The following LRRFIP2 variants were observed in gnomAD, a reference collection of about 807,000 sequenced individuals.
LRRFIP2 encodes the protein leucine-rich repeat flightless-interacting protein 2.
In LRRFIP2, 109 loss-of-function variants were observed where a neutral mutation model predicts 125.9. The observed-to-expected ratio is 0.87, with a 90% CI of 0.74 to 1.01. The LOEUF (loss-of-function observed/expected upper bound fraction) is 1.01, where lower values mean the gene tolerates loss of function less well. Among genes scored for constraint, LRRFIP2 ranks in the 50% least tolerant of loss-of-function variants. The pLI, the probability that LRRFIP2 is intolerant of heterozygous loss-of-function variation, is 0.00. For missense variants in LRRFIP2, 850 were observed against 862.3 expected, an observed-to-expected ratio of 0.99 and a Z score of 0.18; for synonymous variants, 291 against 293.1, an observed-to-expected ratio of 0.99 and a Z score of 0.07.
chr3:37,154,345 T>C (rs1250482489), intron 1 of LRRFIP2, among the ~76,000 whole-genome samples: 4 of 152,200 alleles, frequency 2.6e-5, no homozygotes, highest in South Asian at 2.1e-4. Context: ...ACTGAGAATG[T>C]AGACTCAAAG....
chr3:37,069,363 T>C (rs2090749067), intron 21 of LRRFIP2, among the ~76,000 whole-genome samples: 1 of 152,218 alleles, frequency 6.6e-6, no homozygotes, highest in Non-Finnish European at 1.5e-5. Flanking sequence ...GAATGTGGTA[T>C]ATACATACAA....
Position 37,126,556 on chromosome 3 carries a change from G to A in LRRFIP2, c.228+1074C>T, listed in dbSNP as rs190089854. Among the ~76,000 whole-genome samples, 413 of 150,162 alleles carry A rather than the reference G, an allele frequency of 2.8e-3. 2 individuals carry two copies. The highest frequency in any genetic ancestry group is 9.9e-3 in the African/African-American group (402 of 40,770). ...CCTAAACTATACAAATTTCACAGAGGTTTAAAAAAAAAAAAGATTTGGCTG... is the reference window on the plus strand; with the variant it reads ...CCTAAACTATACAAATTTCACAGAGATTTAAAAAAAAAAAAGATTTGGCTG... On this transcript the variant is annotated intron_variant, in intron 4 of 27. Coordinates refer to ENST00000336686, the MANE Select transcript of LRRFIP2 (RefSeq NM_006309.4).
chr3:37,175,872 G>C (rs2096655131), upstream of LRRFIP2: 1 of 152,266 alleles, frequency 6.6e-6, no homozygotes, highest in Non-Finnish European at 1.5e-5. Flanking sequence ...GGATGTCTGA[G>C]AACGCCGCAG....
rs1404947431 is a variant in LRRFIP2 at position 37,052,736 on chromosome 3, T to C, written c.*1115A>G. On this transcript the variant is annotated 3_prime_UTR_variant, in exon 28 of 28. Transcript: ENST00000336686. ...AGATTTTCCCCCAATATATTTTCTG[T>C]GTAAGCACTTTAAAGATACAATAAT... 6.6e-6 allele frequency: 1 copy of C among 152,220 alleles called. No homozygotes were observed. The highest frequency in any genetic ancestry group is 1.5e-5 in the Non-Finnish European group (1 of 68,040). 9.4% of individuals were successfully genotyped at this position (152,220 alleles called of 1,614,324 possible).
chr3:37,138,168 T>C (rs1283385594), intron 2 of LRRFIP2, among the ~76,000 whole-genome samples: 5 of 152,220 alleles, frequency 3.3e-5, no homozygotes, highest in East Asian at 1.9e-4. Context: ...TGATTAGCTA[T>C]ATTCTGTGAT....
intron 9 of LRRFIP2, 62 bp downstream of exon 9, chr3:37,110,929 G>C (rs918232111): frequency 1.4e-6 from 2 of 1,474,348 alleles, no homozygotes; most frequent in Non-Finnish European, 1.9e-6. Flanking sequence ...ATGCAAAATG[G>C]GGAGATTAGA....
intron 19 of LRRFIP2, among the ~76,000 whole-genome samples, chr3:37,082,207 G>A (rs1289967282): frequency 1.3e-5 from 2 of 152,048 alleles, no homozygotes; most frequent in East Asian, 3.9e-4. Flanking sequence ...AAAGCATGAT[G>A]GCTCAGAATC....
At chr3:37,090,083 C>A (rs1445070790) in intron 18 of LRRFIP2, among the ~76,000 whole-genome samples, 1 of 152,184 alleles carries the variant, frequency 6.6e-6, no homozygotes, top group Non-Finnish European at 1.5e-5. Context: ...AGTGGCGCTA[C>A]TTCAAATCAT....
intron 25 of LRRFIP2, 115 bp downstream of exon 25, chr3:37,058,675 C>CAAAAAAAAA: frequency 1.1e-6 from 1 of 906,748 alleles, no homozygotes; most frequent in South Asian, 1.8e-5. Flanking sequence ...ACTCCCATCT[C>CAAAAAAAAA]AAAAAAAAAA....
chr3:37,084,532 T>G (rs747465292), intron 18 of LRRFIP2, among the ~76,000 whole-genome samples: 1 of 151,822 alleles, frequency 6.6e-6, no homozygotes, highest in Non-Finnish European at 1.5e-5. Context: ...CCAGACACAG[T>G]GGCGCACACC....
intron 2 of LRRFIP2, among the ~76,000 whole-genome samples, chr3:37,144,178 G>T (rs2149950526): frequency 1.3e-5 from 2 of 152,326 alleles, no homozygotes; most frequent in East Asian, 3.9e-4. Flanking sequence ...GGCAGGTTCA[G>T]AAGTTATTAG....
At chr3:37,109,796 T>G in intron 9 of LRRFIP2, 93 bp from the exon 10 acceptor site, 4 of 1,056,554 alleles carry the variant, frequency 3.8e-6, no homozygotes, top group South Asian at 1.4e-5. Context: ...GTTTATGATT[T>G]TATACTCCAT....
intron 12 of LRRFIP2, 144 bp downstream of exon 12, chr3:37,108,493 C>T (rs1348790683): frequency 4.6e-6 from 3 of 650,994 alleles, no homozygotes; most frequent in African/African-American, 3.7e-5. Flanking sequence ...TTGATCACAG[C>T]TTAGAGAGTA....
intron 2 of LRRFIP2, among the ~76,000 whole-genome samples, chr3:37,140,960 C>A (rs967957270): frequency 2.0e-5 from 3 of 152,046 alleles, no homozygotes; most frequent in African/African-American, 7.2e-5. Flanking sequence ...TCATCTTTCA[C>A]TAAGATAACT....
intron 4 of LRRFIP2, 40 bp from the exon 5 acceptor site, chr3:37,121,731 T>C (rs760684256): frequency 6.3e-7 from 1 of 1,589,822 alleles, no homozygotes; most frequent in Non-Finnish European, 8.6e-7. Flanking sequence ...AATCACTGAA[T>C]AGACAGTTGT....
chr3:37,090,542 T>C (rs916894810), intron 18 of LRRFIP2, among the ~76,000 whole-genome samples: 5 of 152,192 alleles, frequency 3.3e-5, no homozygotes, highest in African/African-American at 1.2e-4. Context: ...TAGTGTGTAT[T>C]TTGATTTCAA....
chr3:37,159,321 A>AAGGG (rs2096275160), intron 1 of LRRFIP2, among the ~76,000 whole-genome samples: 1 of 152,182 alleles, frequency 6.6e-6, no homozygotes, highest in African/African-American at 2.4e-5. Flanking sequence ...CTTTCTGGAT[A>AAGGG]CTTAATTCTA....
chr3:37,109,588 T>G lies in LRRFIP2; in HGVS notation c.565-17A>C. The G allele has an allele frequency of 6.2e-7, 1 of 1,613,976 alleles. No homozygotes were observed. ...AGGAGAGGCCTAAGAAAAAAGTGTA[T>G]TATTAAACCCCAAAAAAAGCAACTG... On this transcript the variant is annotated splice_polypyrimidine_tract_variant and intron_variant, in intron 10 of 27. Coordinates refer to ENST00000336686, the MANE Select transcript of LRRFIP2 (RefSeq NM_006309.4).
chr3:37,116,734 C>T lies in LRRFIP2; in HGVS notation c.331-1639G>A, dbSNP rs2149494886. Among the ~76,000 whole-genome samples the T allele has an allele frequency of 1.3e-5, 2 of 152,184 alleles. 1 individual carries two copies. The highest frequency in any genetic ancestry group is 4.1e-4 in the South Asian group (2 of 4,822). ...ATAGTTCAGTCAGAATAAAGCCCTT[C>T]CATTCATGCCTAATGAAATGGTCAT... is the stretch of plus-strand genomic sequence containing the variant. On this transcript the variant is annotated intron_variant, in intron 6 of 27. Transcript: ENST00000336686.
Sources: gnomAD v4.1 joint callset for allele counts (sites outside exome capture counted in the v4.1 genomes callset) on GRCh38, gnomAD v4.1.1 for gene constraint, MANE v1.5 for transcripts, NCBI Gene and HGNC (gene_info 2026-07-23, HGNC 2026-07-21) for gene names.